Variants in NCOA3 observed in about 807,000 individuals in gnomAD.
The protein encoded by NCOA3 is CBP-interacting protein.
In NCOA3, 51 loss-of-function variants were observed where a neutral mutation model predicts 158.8. The observed-to-expected ratio is 0.32, with a 90% CI of 0.26 to 0.41. The LOEUF is 0.41. Ranked by LOEUF, NCOA3 falls within the 10% of genes least tolerant of loss-of-function variation. The pLI, the probability that NCOA3 is intolerant of heterozygous loss-of-function variation, is 1.00. For missense variants in NCOA3, 1,510 were observed against 1,746.6 expected (o/e 0.86, Z 2.41); for synonymous variants, 537 against 592.4 (o/e 0.91, Z 1.36).
chr20:47,534,033 G>A (rs1568661353), intron 1 of NCOA3, among the ~76,000 whole-genome samples: 1 of 151,566 alleles, frequency 6.6e-6, no homozygotes, highest in African/African-American at 2.4e-5. Context: ...TGGCAAGAGA[G>A]GTGATAAGAA....
At chr20:47,554,998 A>T (rs6066379) in intron 1 of NCOA3, among the ~76,000 whole-genome samples, 1 of 152,192 alleles carries the variant, frequency 6.6e-6, no homozygotes, top group South Asian at 2.1e-4. Flanking sequence ...TGGTACTGGT[A>T]CCAAAACAGA....
chr20:47,642,474 G>A (rs902807691), intron 17 of NCOA3, 90 bp downstream of exon 17: 1 of 849,208 alleles, frequency 1.2e-6, no homozygotes, highest in Non-Finnish European at 1.7e-6. Flanking sequence ...GAATGCCTGT[G>A]TGTGTCTCTC....
chr20:47,555,254 A>G (rs1568678586), intron 1 of NCOA3, among the ~76,000 whole-genome samples: 1 of 152,190 alleles, frequency 6.6e-6, no homozygotes, highest in African/African-American at 2.4e-5. Context: ...ATCTGATGCT[A>G]TATTTGCTAA....
intron 2 of NCOA3, among the ~76,000 whole-genome samples, chr20:47,609,898 A>G (rs999521377): frequency 5.9e-5 from 9 of 152,120 alleles, no homozygotes; most frequent in African/African-American, 2.2e-4. Flanking sequence ...TGCTTACTGC[A>G]CATTTCTTCC....
chr20:47,617,733 C>G lies in NCOA3; in HGVS notation c.-19-4496C>G, dbSNP rs183798471. 4.3e-4 allele frequency among the ~76,000 whole-genome samples: 66 copies of G among 152,182 alleles called. No individual in the cohort carries two copies. The Middle Eastern group carries it at 0.017, about 39-fold the overall frequency. On this transcript the variant is annotated intron_variant, in intron 2 of 22. Coordinates refer to ENST00000371998, the MANE Select transcript of NCOA3 (RefSeq NM_181659.3). ...TATATTGAAATTATTATTTTGGGGA[C>G]CAGAAATGCTTTTTTATTTCTCATG...
intron 1 of NCOA3, among the ~76,000 whole-genome samples, chr20:47,555,695 G>A (rs1259621312): frequency 7.4e-6 from 1 of 134,362 alleles, no homozygotes; most frequent in African/African-American, 2.9e-5. Flanking sequence ...CTGGAGTGCA[G>A]TTGCACTATC....
chr20:47,620,288 A>AT (rs1466567347), intron 2 of NCOA3, among the ~76,000 whole-genome samples: 1 of 152,072 alleles, frequency 6.6e-6, no homozygotes, highest in Non-Finnish European at 1.5e-5. Context: ...TTTTAAAAAA[A>AT]TTTTGTAGAG....
At chr20:47,555,571 A>C (rs2084989515) in intron 1 of NCOA3, among the ~76,000 whole-genome samples, 1 of 152,012 alleles carries the variant, frequency 6.6e-6, no homozygotes, top group Non-Finnish European at 1.5e-5. Context: ...GAAGCTTTCA[A>C]ACTGATTCCT....
At chr20:47,543,050 C>T (rs1480958062) in intron 1 of NCOA3, among the ~76,000 whole-genome samples, 1 of 152,136 alleles carries the variant, frequency 6.6e-6, no homozygotes, top group Non-Finnish European at 1.5e-5. Flanking sequence ...AGTAGCCTAG[C>T]TGGGGAGTTG....
intron 2 of NCOA3, among the ~76,000 whole-genome samples, chr20:47,610,073 T>G (rs2086019505): frequency 6.6e-6 from 1 of 152,202 alleles, no homozygotes; most frequent in Non-Finnish European, 1.5e-5. Context: ...GCAAATAATG[T>G]TGAAAGCTTT....
intron 1 of NCOA3, among the ~76,000 whole-genome samples, chr20:47,530,716 T>C (rs1238776068): frequency 1.3e-5 from 2 of 152,104 alleles, no homozygotes; most frequent in African/African-American, 4.8e-5. Context: ...CCACCTGCCT[T>C]GGTCTCTCAA....
chr20:47,622,281 G>T lies in NCOA3; in HGVS notation c.34G>T (p.Ala12Ser). Residue 12 changes from alanine (A) to serine (S), a missense_variant, in exon 3 of 23, where the codon GCC (alanine) becomes TCC (serine). Physicochemically the swap from Ala to Ser is moderately conservative, Grantham distance 99 (BLOSUM62 1). Coordinates refer to ENST00000371998, the MANE Select transcript of NCOA3 (RefSeq NM_181659.3). ...SGLGENLDPL[A>S]SDSRKRKLPC... is the part of the protein sequence containing the mutation. ...ATTAGGAGAAAACTTGGATCCACTG[G>T]CCAGTGATTCACGAAAACGCAAATT... 6.2e-7 allele frequency: 1 copy of T among 1,607,280 alleles called. No individual in the cohort carries two copies. The highest frequency in any genetic ancestry group is 8.5e-7 in the Non-Finnish European group (1 of 1,177,482).
chr20:47,637,103 A>G (rs2086527970), intron 12 of NCOA3, among the ~76,000 whole-genome samples: 2 of 152,228 alleles, frequency 1.3e-5, no homozygotes, highest in African/African-American at 4.8e-5. Flanking sequence ...ATTTTAAGGT[A>G]AAATCAAGTT....
chr20:47,636,178 A>G lies in NCOA3; in HGVS notation c.1792A>G (p.Ser598Gly), dbSNP rs760266489. ...CAGAGATCACCTCAGTGACAAAGAA[A>G]GTAAGGAGAGCAGTGTTGAGGGGGC... is the stretch of plus-strand genomic sequence containing the variant. ...NSRDHLSDKE[S>G]KESSVEGAEN... is the part of the protein sequence containing the mutation. The change falls in exon 12 of 23, where the codon AGT becomes GGT. Residue 598 changes from serine to glycine, a missense_variant. Ser to Gly is a moderately conservative substitution (Grantham distance 56, BLOSUM62 0). Coordinates refer to ENST00000371998, the MANE Select transcript of NCOA3 (RefSeq NM_181659.3). 5.0e-6 allele frequency: 8 copies of G among 1,614,092 alleles called. 1 individual carries two copies. The South Asian group carries it at 7.7e-5, about 16-fold the overall frequency.
At chr20:47,600,364 C>G (rs987407228) in intron 2 of NCOA3, among the ~76,000 whole-genome samples, 1 of 151,452 alleles carries the variant, frequency 6.6e-6, no homozygotes, top group Non-Finnish European at 1.5e-5. Context: ...TTAGTAGAGA[C>G]AGGATTTCAT....
intron 1 of NCOA3, among the ~76,000 whole-genome samples, chr20:47,529,037 G>A (rs2084502942): frequency 6.6e-6 from 1 of 151,898 alleles, no homozygotes; most frequent in African/African-American, 2.4e-5. Context: ...AGAGTGCTGG[G>A]ATTACAGGCG....
intron 22 of NCOA3, 35 bp from the exon 23 acceptor site, chr20:47,653,365 CTCATTT>C (rs1568761176): frequency 7.1e-7 from 1 of 1,404,228 alleles, no homozygotes; most frequent in Non-Finnish European, 9.9e-7. Context: ...ATGTGTTTTA[CTCATTT>C]TTTTTTTTTT....
At position 47,653,611 on chromosome 20, in the gene NCOA3, T is replaced by TC. The variant is rs1568761579; in HGVS notation, c.*200dup. ...CCGAAGGGCAATATCTACGTGTTTT[T>TC]CCCCCCTCCTTCTGCTGTGTATCAT... On this transcript the variant is annotated 3_prime_UTR_variant, in exon 23 of 23. Transcript: ENST00000371998. 3 of 662,710 alleles carry TC rather than the reference T, an allele frequency of 4.5e-6. No individual in the cohort carries two copies. The highest frequency in any genetic ancestry group is 2.5e-5 in the Admixed American group (1 of 40,402). The allele number at this position is 662,710 out of a possible 1,614,324, so 41.1% of individuals were successfully genotyped here.
intron 1 of NCOA3, among the ~76,000 whole-genome samples, chr20:47,553,612 T>C (rs2084956179): frequency 7.1e-6 from 1 of 140,142 alleles, no homozygotes; most frequent in South Asian, 2.5e-4. Context: ...TGTGTTCTCA[T>C]TGTTCAATTC....
Sources: gnomAD v4.1 joint callset for allele counts (sites outside exome capture counted in the v4.1 genomes callset) on GRCh38, gnomAD v4.1.1 for gene constraint, MANE v1.5 for transcripts, NCBI Gene and HGNC (gene_info 2026-07-23, HGNC 2026-07-21) for gene names.